FBP1: variants seen among roughly 807,000 people sequenced by gnomAD.
FBP1 encodes the protein fructose-1,6-bisphosphatase 1.
FBP1 carries 22 observed loss-of-function variants against 29.9 expected under a neutral mutation model. That is an observed-to-expected ratio of 0.74 (90% CI 0.53 to 1.05). The LOEUF (loss-of-function observed/expected upper bound fraction) is 1.05. Among genes scored for constraint, FBP1 ranks in the 50% least tolerant of loss-of-function variants. FBP1 has a pLI of 0.00. For missense variants in FBP1, 345 were observed against 448.2 expected, an observed-to-expected ratio of 0.77 and a Z score of 2.08; for synonymous variants, 175 against 178.6, an observed-to-expected ratio of 0.98 and a Z score of 0.16.
chr9:94,637,279 A>G (rs1217659758), intron 1 of FBP1, among the ~76,000 whole-genome samples: 1 of 152,202 alleles, frequency 6.6e-6, no homozygotes, highest in East Asian at 1.9e-4. Context: ...CCTGCCAGTA[A>G]GAAAAGGAAT....
At chr9:94,610,723 C>T (rs1563980506) in intron 3 of FBP1, among the ~76,000 whole-genome samples, 2 of 152,210 alleles carry the variant, frequency 1.3e-5, no homozygotes, top group Non-Finnish European at 2.9e-5. Context: ...ACACTTAGAA[C>T]GTGGCATGTG....
chr9:94,619,114 A>T (rs1049007514), intron 2 of FBP1, among the ~76,000 whole-genome samples: 3 of 152,178 alleles, frequency 2.0e-5, no homozygotes, highest in Admixed American at 6.5e-5. Context: ...TAGACAAGAG[A>T]AGTCCGGCGT....
intron 3 of FBP1, among the ~76,000 whole-genome samples, chr9:94,615,945 A>G (rs562730801): frequency 2.0e-5 from 3 of 151,564 alleles, no homozygotes; most frequent in Non-Finnish European, 4.4e-5. Context: ...CTCCTGCCTC[A>G]GCCTCCTGAG....
intron 1 of FBP1, among the ~76,000 whole-genome samples, chr9:94,633,019 A>T (rs1302076760): frequency 1.3e-5 from 2 of 152,174 alleles, no homozygotes; most frequent in African/African-American, 2.4e-5. Flanking sequence ...CTCCCAACAG[A>T]TCACCCTCTA....
chr9:94,620,349 T>C lies in FBP1; in HGVS notation c.313A>G (p.Ile105Val), dbSNP rs779660475. Residue 105 changes from isoleucine (I) to valine (V), a missense_variant, in exon 2 of 7, where the codon ATA becomes GTA. Physicochemically the swap from Ile to Val is conservative, Grantham distance 29. Transcript: ENST00000375326. ...CCCACCCTTTTCTCCGGTTCCACTA[T>C]GATGGCGTGTTTATCTTCTTCTGAC... ...LVSEEDKHAI[I>V]VEPEKRGKYV... The C allele has an allele frequency of 1.2e-6, 2 of 1,614,210 alleles. No individual in the cohort carries two copies. Among genetic ancestry groups the C allele is most frequent in the Admixed American group, 1.7e-5 (1 of 60,026 alleles).
chr9:94,631,452 TC>T (rs1828102983), intron 1 of FBP1, among the ~76,000 whole-genome samples: 1 of 152,230 alleles, frequency 6.6e-6, no homozygotes, highest in Non-Finnish European at 1.5e-5. Context: ...ACAAATGGTT[TC>T]TAAAACAGAA....
chr9:94,617,933 C>A, intron 2 of FBP1, 73 bp from the exon 3 acceptor site: 1 of 1,161,648 alleles, frequency 8.6e-7, no homozygotes, highest in Non-Finnish European at 1.3e-6. Flanking sequence ...ACATTAGGGG[C>A]TAAGAATGGG....
chr9:94,604,212 T>C (rs565605858), intron 6 of FBP1, among the ~76,000 whole-genome samples: 39 of 148,034 alleles, frequency 2.6e-4, no homozygotes, highest in Non-Finnish European at 4.3e-4. Context: ...TATTTCCACA[T>C]AGGTGTCATG....
intron 1 of FBP1, among the ~76,000 whole-genome samples, chr9:94,632,368 A>C (rs1024721917): frequency 2.0e-5 from 3 of 152,334 alleles, no homozygotes; most frequent in Non-Finnish European, 2.9e-5. Context: ...AAAAGTTTAC[A>C]AAAAAATGAA....
intron 3 of FBP1, among the ~76,000 whole-genome samples, chr9:94,616,312 A>G (rs982617295): frequency 6.6e-6 from 1 of 152,162 alleles, no homozygotes; most frequent in South Asian, 2.1e-4. Context: ...GGATAAAAAA[A>G]CTGCATATTG....
chr9:94,633,237 C>G (rs1480153954), intron 1 of FBP1, among the ~76,000 whole-genome samples: 1 of 152,084 alleles, frequency 6.6e-6, no homozygotes, highest in Non-Finnish European at 1.5e-5. Flanking sequence ...CAAATCCTTC[C>G]TCTCCCCTCC....
At chr9:94,636,422 G>A (rs922633634) in intron 1 of FBP1, among the ~76,000 whole-genome samples, 1 of 151,966 alleles carries the variant, frequency 6.6e-6, no homozygotes, top group Non-Finnish European at 1.5e-5. Flanking sequence ...AGGCTGCAGT[G>A]AGCCATTATC....
chr9:94,621,377 C>A (rs2131490954), intron 1 of FBP1, among the ~76,000 whole-genome samples: 1 of 142,024 alleles, frequency 7.0e-6, no homozygotes. Flanking sequence ...GCCTGGGCGA[C>A]AGAGCAAGAT....
At chr9:94,627,804 A>T (rs987275042) in intron 1 of FBP1, among the ~76,000 whole-genome samples, 2 of 152,154 alleles carry the variant, frequency 1.3e-5, no homozygotes, top group African/African-American at 4.8e-5. Flanking sequence ...GGGATATGGG[A>T]AACCATCACA....
chr9:94,615,635 T>G (rs939019730), intron 3 of FBP1, among the ~76,000 whole-genome samples: 2 of 152,220 alleles, frequency 1.3e-5, no homozygotes, highest in Non-Finnish European at 2.9e-5. Context: ...AGTATGAGAA[T>G]TTGAATCTTC....
At chr9:94,631,283 CTTCTT>C (rs1828101612) in intron 1 of FBP1, among the ~76,000 whole-genome samples, 1 of 152,150 alleles carries the variant, frequency 6.6e-6, no homozygotes, top group East Asian at 1.9e-4. Flanking sequence ...TATAATATCT[CTTCTT>C]TACTTTTACT....
At chr9:94,638,245 CAGTA>C (rs1828224944) in intron 1 of FBP1, among the ~76,000 whole-genome samples, 2 of 152,172 alleles carry the variant, frequency 1.3e-5, no homozygotes, top group South Asian at 4.1e-4. Flanking sequence ...AGTAGACAAA[CAGTA>C]TCTGATGGGC....
At chr9:94,626,051 C>T (rs10993268) in intron 1 of FBP1, among the ~76,000 whole-genome samples, 2,178 of 152,312 alleles carry the variant, frequency 0.014, 25 homozygotes, top group South Asian at 0.04. Flanking sequence ...GTGACAGATG[C>T]GTTAAGCTGG....
At chr9:94,620,874 ACG>A (rs1350079073) in intron 1 of FBP1, among the ~76,000 whole-genome samples, 2 of 152,180 alleles carry the variant, frequency 1.3e-5, no homozygotes, top group Non-Finnish European at 2.9e-5. Flanking sequence ...TAACAAACCT[ACG>A]CATTCTGCAT....
Sources: gnomAD v4.1 joint callset for allele counts (sites outside exome capture counted in the v4.1 genomes callset) on GRCh38, gnomAD v4.1.1 for gene constraint, MANE v1.5 for transcripts, NCBI Gene and HGNC (gene_info 2026-07-23, HGNC 2026-07-21) for gene names.